The following EPHA6 variants were observed in gnomAD, a reference collection of about 807,000 sequenced individuals.
The protein encoded by EPHA6 is EPH receptor A6.
A neutral mutation model predicts 112.0 loss-of-function variants in EPHA6; 50 were observed. The ratio of observed to expected loss-of-function variants is 0.45; its 90% confidence interval spans 0.36 to 0.56. EPHA6 has a LOEUF of 0.56. Ranked by LOEUF, EPHA6 falls within the 20% of genes least tolerant of loss-of-function variation. The pLI is 0.00. For synonymous variants in EPHA6, 529 were observed against 490.7 expected, an observed-to-expected ratio of 1.08 and a Z score of -1.03; for missense variants, 1,280 against 1,417.4, an observed-to-expected ratio of 0.90 and a Z score of 1.56.
chr3:97,674,302 A>C (rs2031147319), intron 14 of EPHA6, among the ~76,000 whole-genome samples: 1 of 152,196 alleles, frequency 6.6e-6, no homozygotes, highest in South Asian at 2.1e-4. Flanking sequence ...CTCATTTTCT[A>C]ATGCTTCATA....
At chr3:96,952,974 C>T (rs1017226030) in intron 2 of EPHA6, among the ~76,000 whole-genome samples, 2 of 151,972 alleles carry the variant, frequency 1.3e-5, no homozygotes, top group Admixed American at 1.3e-4. Flanking sequence ...CACGAGTTTA[C>T]CTGTGTAACA....
chr3:97,589,263 TTGGACAC>T (rs1366880293), intron 11 of EPHA6, among the ~76,000 whole-genome samples: 241 of 152,096 alleles, frequency 1.6e-3, no homozygotes, highest in Middle Eastern at 3.4e-3. Flanking sequence ...AGCCAAAAGA[TTGGACAC>T]CCCTTGTTAC....
At chr3:96,917,868 C>G (rs759370014) in intron 2 of EPHA6, among the ~76,000 whole-genome samples, 40 of 151,960 alleles carry the variant, frequency 2.6e-4, no homozygotes, top group Non-Finnish European at 5.1e-4. Flanking sequence ...TATGACACCC[C>G]CAAAGGATAA....
intron 3 of EPHA6, among the ~76,000 whole-genome samples, chr3:97,189,013 T>TA (rs562623738): frequency 1.3e-5 from 2 of 151,874 alleles, no homozygotes; most frequent in Non-Finnish European, 2.9e-5. Context: ...ATCTTTACGA[T>TA]AAAAATTGAA....
intron 3 of EPHA6, among the ~76,000 whole-genome samples, chr3:97,068,548 A>G (rs796724675): frequency 1.3e-5 from 2 of 152,096 alleles, no homozygotes; most frequent in South Asian, 4.1e-4. Context: ...TCCCACTATT[A>G]GTAGTTGTGT....
At chr3:97,592,786 T>G in intron 12 of EPHA6, 49 bp downstream of exon 12, 1 of 1,505,744 alleles carries the variant, frequency 6.6e-7, no homozygotes, top group East Asian at 2.4e-5. Flanking sequence ...GCAGTAGGAT[T>G]GTGCTCATAG....
intron 1 of EPHA6, among the ~76,000 whole-genome samples, chr3:96,821,244 A>C (rs1204358641): frequency 1.3e-5 from 2 of 151,956 alleles, no homozygotes; most frequent in African/African-American, 4.8e-5. Flanking sequence ...ATAATTATTA[A>C]ATGTAGAGAA....
chr3:96,926,790 G>T (rs2040057763), intron 2 of EPHA6, among the ~76,000 whole-genome samples: 1 of 152,194 alleles, frequency 6.6e-6, no homozygotes. Context: ...GCAGGGTACA[G>T]CCCCCCAGCT....
chr3:97,316,075 AC>A (rs1228301348), intron 5 of EPHA6, among the ~76,000 whole-genome samples: 35 of 152,008 alleles, frequency 2.3e-4, no homozygotes, highest in African/African-American at 7.2e-4. Context: ...ATTATTTAGA[AC>A]CCTTAAATTA....
intron 5 of EPHA6, among the ~76,000 whole-genome samples, chr3:97,373,341 T>A (rs548826249): frequency 6.6e-6 from 1 of 152,238 alleles, no homozygotes; most frequent in East Asian, 1.9e-4. Context: ...AATTCAGCCT[T>A]ACGATGGCAG....
rs556126517 is a variant in EPHA6, at chr3:97,283,741, T to C, written c.1606+39454T>C. On this transcript the variant is annotated intron_variant, in intron 5 of 17. Transcript: ENST00000389672. ...ATACCTATGTAACAAACCTGCACGT[T>C]CTGCACGTGTATCTCATAACTTAAA... 3.3e-5 allele frequency among the ~76,000 whole-genome samples: 5 copies of C among 152,246 alleles called. No homozygotes were observed. The South Asian group carries it at 1.0e-3, about 32-fold the overall frequency.
At chr3:97,281,186 T>G (rs1427623322) in intron 5 of EPHA6, among the ~76,000 whole-genome samples, 1 of 142,712 alleles carries the variant, frequency 7.0e-6, no homozygotes, top group Non-Finnish European at 1.5e-5. Context: ...TTGCAATCAT[T>G]AATTCAAAGA....
intron 3 of EPHA6, among the ~76,000 whole-genome samples, chr3:97,179,761 C>CTCTCTCTCTCTCTCTCTCTCT (rs1214540454): frequency 1.4e-5 from 2 of 142,652 alleles, no homozygotes; most frequent in African/African-American, 5.1e-5. Flanking sequence ...CTCTCTCTCT[C>CTCTCTCTCTCTCTCTCTCTCT]CTGAACCACT....
chr3:96,858,754 G>A (rs1006093301), intron 1 of EPHA6, among the ~76,000 whole-genome samples: 6 of 152,126 alleles, frequency 3.9e-5, no homozygotes, highest in African/African-American at 1.4e-4. Context: ...GGGGATAGAT[G>A]TCCAGGGTTT....
intron 11 of EPHA6, among the ~76,000 whole-genome samples, chr3:97,554,571 G>C (rs930991217): frequency 1.3e-5 from 2 of 151,934 alleles, no homozygotes; most frequent in African/African-American, 4.8e-5. Context: ...CATAATCAGG[G>C]GGTGGCCAGG....
At chr3:97,423,214 A>G (rs1307085283) in intron 6 of EPHA6, among the ~76,000 whole-genome samples, 2 of 152,140 alleles carry the variant, frequency 1.3e-5, no homozygotes, top group Admixed American at 6.5e-5. Context: ...AAGAAAAACT[A>G]TCTCTCTTCA....
intron 3 of EPHA6, among the ~76,000 whole-genome samples, chr3:97,160,422 GC>G (rs1236345239): frequency 6.6e-6 from 1 of 151,714 alleles, no homozygotes; most frequent in Admixed American, 6.6e-5. Context: ...GATTACAGGT[GC>G]CCCCCACCAT....
chr3:97,093,192 A>C (rs1175423741), intron 3 of EPHA6, among the ~76,000 whole-genome samples: 3 of 152,176 alleles, frequency 2.0e-5, no homozygotes, highest in African/African-American at 7.2e-5. Flanking sequence ...ATATCTAGCC[A>C]TCTTATCAAG....
rs762611129 is a variant in EPHA6 at position 96,814,665 on chromosome 3, G to A, written c.42G>A (p.Ala14=). The A allele has an allele frequency of 6.8e-7, 1 of 1,477,270 alleles. No homozygotes were observed. The allele number at this position is 1,477,270 out of a possible 1,614,324, so 91.5% of individuals were successfully genotyped here. A position where few individuals can be genotyped will look rare whatever the true frequency, so the allele number is the denominator to read the frequency against. The change falls in exon 1 of 18, where the codon GCG becomes GCA. Residue 14 remains alanine, a synonymous_variant. Transcript: ENST00000389672. ...PSPPAARSSP[A]PQAASSSEAA... ...CTCCAGCCGCGAGGAGCTCCCCGGC[G>A]CCGCAGGCAGCGTCCTCCTCCGAAG... is the stretch of plus-strand genomic sequence containing the variant.
Sources: gnomAD v4.1 joint callset for allele counts (sites outside exome capture counted in the v4.1 genomes callset) on GRCh38, gnomAD v4.1.1 for gene constraint, MANE v1.5 for transcripts, NCBI Gene and HGNC (gene_info 2026-07-23, HGNC 2026-07-21) for gene names.